FAM151A: variants seen among roughly 807,000 people sequenced by gnomAD.
FAM151A encodes family with sequence similarity 151 member A.
Under a neutral mutation model 40.4 loss-of-function variants are expected in FAM151A, and 41 were observed. That is an observed-to-expected ratio of 1.01 (90% CI 0.79 to 1.32). The LOEUF is 1.32. FAM151A is among the 40% of genes most tolerant of loss of function. FAM151A has a pLI of 0.00. For synonymous variants in FAM151A, 337 were observed against 312.5 expected, an observed-to-expected ratio of 1.08 and a Z score of -0.83; for missense variants, 740 against 740.4, an observed-to-expected ratio of 1.00 and a Z score of 0.01.
At chr1:54,620,710 G>A (rs1303580236) in intron 1 of FAM151A, among the ~76,000 whole-genome samples, 2 of 151,162 alleles carry the variant, frequency 1.3e-5, no homozygotes, top group Non-Finnish European at 1.5e-5. Context: ...CGGGATGGAC[G>A]TGGTGGCAGG....
At chr1:54,611,540 GTGCCCACCAGGTGCTGCTCCA>G in intron 6 of FAM151A, 45 bp downstream of exon 6, 2 of 1,552,882 alleles carry the variant, frequency 1.3e-6, no homozygotes. Context: ...CTCTGCTCCA[GTGCCCACCAGGTGCTGCTCCA>G]TGCAGAATCC....
chr1:54,622,344 GC>G (rs931821248), intron 1 of FAM151A, among the ~76,000 whole-genome samples: 18 of 151,060 alleles, frequency 1.2e-4, no homozygotes, highest in African/African-American at 3.9e-4. Context: ...ACTTTGGGAG[GC>G]CAAGATGGGC....
At chr1:54,614,636 A>G in intron 4 of FAM151A, 64 bp downstream of exon 4, 4 of 1,522,456 alleles carry the variant, frequency 2.6e-6, no homozygotes, top group East Asian at 2.3e-5. Flanking sequence ...TAAGATCCCC[A>G]TCCTGTGGTA....
intron 6 of FAM151A, among the ~76,000 whole-genome samples, chr1:54,611,222 G>A (rs1292395814): frequency 6.6e-6 from 1 of 152,002 alleles, no homozygotes; most frequent in Non-Finnish European, 1.5e-5. Context: ...TCACTTGAGG[G>A]CAGAAGTTCG....
chr1:54,613,930 G>A lies in FAM151A; in HGVS notation c.575+770C>T, dbSNP rs72903832. On this transcript the variant is annotated intron_variant, in intron 4 of 7. Transcript: ENST00000302250. ...TTGCTCTGCCACTTACCAGACTTAG[G>A]CAGGTCTTTTAACTTCTATAATATA... Among the ~76,000 whole-genome samples the A allele has an allele frequency of 8.3e-3, 1,263 of 152,278 alleles. 18 individuals carry two copies. Among genetic ancestry groups the A allele is most frequent in the African/African-American group, 0.029 (1,204 of 41,550 alleles).
intron 5 of FAM151A, 120 bp downstream of exon 5, chr1:54,612,366 T>G: frequency 4.4e-6 from 3 of 688,648 alleles, no homozygotes; most frequent in Non-Finnish European, 7.5e-6. Flanking sequence ...GCAGAGGGCA[T>G]GAGCACTGGC....
At chr1:54,618,210 A>G (rs1644195022) in intron 2 of FAM151A, among the ~76,000 whole-genome samples, 1 of 152,156 alleles carries the variant, frequency 6.6e-6, no homozygotes, top group African/African-American at 2.4e-5. Context: ...GGCTTAAAAA[A>G]ATCACCTCCT....
chr1:54,612,334 G>A, intron 5 of FAM151A, 152 bp downstream of exon 5: 1 of 613,056 alleles, frequency 1.6e-6, no homozygotes, highest in Non-Finnish European at 2.9e-6. Flanking sequence ...CCAGAGGTAT[G>A]CAAGCAGAAA....
At position 54,609,658 on chromosome 1, in the gene FAM151A, G is replaced by C; in HGVS notation, c.1368C>G (p.Gly456=). Residue 456 remains glycine (G), a synonymous_variant, in exon 8 of 8, where the codon GGC becomes GGG. Coordinates refer to ENST00000302250, the MANE Select transcript of FAM151A (RefSeq NM_176782.3). ...KISHGSFSVP[G]HVAGRELLTA... ...TAAGCAGCTCTCTGCCAGCCACATG[G>C]CCGGGGACCGAAAAACTCCCGTGGG... 2 of 1,613,960 alleles carry C rather than the reference G, an allele frequency of 1.2e-6. No homozygotes were observed. Among genetic ancestry groups the C allele is most frequent in the Non-Finnish European group, 1.7e-6 (2 of 1,180,040 alleles).
chr1:54,609,504 C>T lies in FAM151A; in HGVS notation c.1522G>A (p.Val508Met), dbSNP rs376623047. 2.2e-5 allele frequency: 35 copies of T among 1,613,076 alleles called. No homozygotes were observed. The highest frequency in any genetic ancestry group is 1.1e-5 in the South Asian group (1 of 91,090). The change falls in exon 8 of 8, where the codon GTG becomes ATG. Residue 508 changes from valine to methionine, a missense_variant. Coordinates refer to ENST00000302250, the MANE Select transcript of FAM151A (RefSeq NM_176782.3). The part of the protein sequence containing the change: ...LELCQGLWQP[V>M]SFQMQAMLLG... ...AGCATGGCCTGCATCTGGAAGGACA[C>T]AGGTTGCCAGAGCCCCTGGCACAAC...
chr1:54,610,393 G>C lies in FAM151A; in HGVS notation c.1084+19C>G. 6.2e-7 allele frequency: 1 copy of C among 1,610,796 alleles called. No individual in the cohort carries two copies. Among genetic ancestry groups the C allele is most frequent in the Middle Eastern group, 1.7e-4 (1 of 6,044 alleles). On this transcript the variant is annotated intron_variant, in intron 7 of 7. Coordinates refer to ENST00000302250, the MANE Select transcript of FAM151A (RefSeq NM_176782.3). ...CTGCAGATGAGCTGGGAGCACCGGG[G>C]CTGAAGGGTAGACCTTACCTGGGAG...
rs146335012 is a variant in FAM151A at position 54,619,978 on chromosome 1, C to T, written c.148G>A (p.Ala50Thr). Residue 50 changes from alanine to threonine, a missense_variant, in exon 2 of 8, where the codon GCC becomes ACC. By Grantham distance (58) the Ala-to-Thr change is moderately conservative. Transcript: ENST00000302250. ...CTCAGCAGGTAGTCCAGCATGTCGGCATCAGGGCTGCAGGCCTCCAGCTCA... is the reference window on the plus strand; with the variant it reads ...CTCAGCAGGTAGTCCAGCATGTCGGTATCAGGGCTGCAGGCCTCCAGCTCA... Reference protein sequence around the residue: ...GCELEACSPDADMLDYLLSLG... With the variant: ...GCELEACSPDTDMLDYLLSLG... The T allele has an allele frequency of 1.1e-5, 17 of 1,614,142 alleles. No individual in the cohort carries two copies. In the African/African-American group the frequency reaches 2.1e-4, roughly 20 times the overall value.
chr1:54,614,403 C>T (rs1214227419), intron 4 of FAM151A, among the ~76,000 whole-genome samples: 1 of 142,686 alleles, frequency 7.0e-6, no homozygotes, highest in African/African-American at 2.4e-5. Context: ...CAGTGACAGC[C>T]CCATGAAGTC....
intron 6 of FAM151A, 49 bp from the exon 7 acceptor site, chr1:54,610,604 A>G (rs778034598): frequency 1.6e-5 from 25 of 1,587,122 alleles, no homozygotes; most frequent in African/African-American, 2.7e-5. Flanking sequence ...TTCACAGAAC[A>G]CCTTACCTGG....
In FAM151A at chr1:54,619,879, T is replaced by C; in HGVS notation, c.247A>G (p.Thr83Ala). The change falls in exon 2 of 8, where the codon ACA (threonine) becomes GCA (alanine). Residue 83 changes from threonine to alanine, a missense_variant. By Grantham distance (58) the Thr-to-Ala change is moderately conservative (BLOSUM62 0). Coordinates refer to ENST00000302250, the MANE Select transcript of FAM151A (RefSeq NM_176782.3). ...YHAANSKKAM[T>A]AALNSNITVL... is the part of the protein sequence containing the mutation. ...CTGGACTTACTGTTCAGGGCAGCTG[T>C]CATGGCTTTCTTGCTGTTGGCTGCG... The C allele has an allele frequency of 1.2e-6, 2 of 1,614,086 alleles. No homozygotes were observed. Among genetic ancestry groups the C allele is most frequent in the South Asian group, 2.2e-5 (2 of 91,082 alleles).
chr1:54,618,711 G>T (rs1644199617), intron 2 of FAM151A, among the ~76,000 whole-genome samples: 1 of 152,040 alleles, frequency 6.6e-6, no homozygotes, highest in Non-Finnish European at 1.5e-5. Context: ...GGAGTCAATA[G>T]CCCTCCTTGT....
chr1:54,620,220 A>G (rs1328480747), intron 1 of FAM151A, among the ~76,000 whole-genome samples: 1 of 152,206 alleles, frequency 6.6e-6, no homozygotes, highest in Non-Finnish European at 1.5e-5. Flanking sequence ...TGAGGCAGTC[A>G]GGAAAGGGGG....
chr1:54,617,153 A>G (rs1369937561), intron 2 of FAM151A, among the ~76,000 whole-genome samples: 1 of 152,172 alleles, frequency 6.6e-6, no homozygotes, highest in Non-Finnish European at 1.5e-5. Flanking sequence ...AATCAGGTGG[A>G]CATCTTCTGA....
rs776664272 is a variant in FAM151A, at chr1:54,609,607, G to GTGGGGGAAGACC, written c.1407_1418dup (p.Pro472_His473insGlnValPhePro). ...CAGGCCAGCCTGGTGCCACAGTCAC[G>GTGGGGGAAGACC]TGGGGGAAGACCTCAGCCACAGCTG... is the stretch of plus-strand genomic sequence containing the variant. On this transcript the variant is annotated inframe_insertion, in exon 8 of 8. Transcript: ENST00000302250. 2.5e-6 allele frequency: 4 copies of GTGGGGGAAGACC among 1,613,420 alleles called. No homozygotes were observed. The highest frequency in any genetic ancestry group is 3.4e-6 in the Non-Finnish European group (4 of 1,180,030).
Sources: allele counts gnomAD v4.1 joint callset (sites outside exome capture counted in the v4.1 genomes callset), GRCh38; gene constraint gnomAD v4.1.1; transcripts MANE v1.5; gene names NCBI Gene and HGNC (gene_info 2026-07-23, HGNC 2026-07-21).